The following RYR1 variants were observed in gnomAD, a reference collection of about 807,000 sequenced individuals.
The protein encoded by RYR1 is central core disease of muscle.
A neutral mutation model predicts 583.5 loss-of-function variants in RYR1; 342 were observed. The observed-to-expected ratio is 0.59, with a 90% CI of 0.54 to 0.64. RYR1 has a LOEUF of 0.64. RYR1 is among the 30% of genes least tolerant of loss of function. RYR1 has a pLI of 0.00. For synonymous variants in RYR1, 2,791 were observed against 2,822.5 expected (o/e 0.99, Z 0.35); for missense variants, 6,032 against 6,917.2 (o/e 0.87, Z 4.54).
chr19:38,470,890 C>T (rs1481413639), intron 27 of RYR1, among the ~76,000 whole-genome samples: 1 of 152,202 alleles, frequency 6.6e-6, no homozygotes, highest in Admixed American at 6.5e-5. Context: ...CTAGAGGTGG[C>T]TGGGACGGGG....
Position 38,586,525 on chromosome 19 carries a change from GT to G in RYR1, c.14975del (p.Phe4992SerfsTer2). 2 of 1,614,090 alleles carry G rather than the reference GT, an allele frequency of 1.2e-6. No individual in the cohort carries two copies. The highest frequency in any genetic ancestry group is 4.5e-5 in the East Asian group (2 of 44,890). ...LEEHNLANYM[F>X]FLMYLINKDE... ...TCTCCTGTGGTCCTCTCACCCTCAG[GT>G]TTTTCCTGATGTATTTGATAAACAA... is the stretch of plus-strand genomic sequence containing the variant. On this transcript the variant is annotated frameshift_variant and splice_region_variant, in exon 105 of 106. Coordinates refer to ENST00000359596, the MANE Select transcript of RYR1 (RefSeq NM_000540.3). LOFTEE classifies it high-confidence loss of function.
At chr19:38,440,946 G>GGAGTCTGAA in intron 2 of RYR1, 82 bp downstream of exon 2, 1 of 1,487,776 alleles carries the variant, frequency 6.7e-7, no homozygotes, top group East Asian at 2.4e-5. Flanking sequence ...GAGGGTTCTG[G>GGAGTCTGAA]GAGTCTGAAA....
intron 92 of RYR1, among the ~76,000 whole-genome samples, chr19:38,567,547 G>T (rs1047942094): frequency 6.6e-6 from 1 of 151,950 alleles, no homozygotes; most frequent in Non-Finnish European, 1.5e-5. Flanking sequence ...TCCCAGCCCC[G>T]ACCACTCTGG....
chr19:38,516,135 G>C lies in RYR1; in HGVS notation c.9603G>C (p.Met3201Ile), dbSNP rs373611044. Residue 3201 changes from methionine to isoleucine, a missense_variant, in exon 65 of 106, where the codon ATG becomes ATC. Physicochemically the swap from Met to Ile is conservative, Grantham distance 10. Transcript: ENST00000359596. Reference sequence around the variant, plus strand: ...GCCTGGCCCGTCTGGCAGCAGCCATGCCGGTGGCGTTCCTGGAGCCGCAGC... The same window carrying C: ...GCCTGGCCCGTCTGGCAGCAGCCATCCCGGTGGCGTTCCTGGAGCCGCAGC... ...GECLARLAAA[M>I]PVAFLEPQLN... 7.1e-6 allele frequency: 11 copies of C among 1,551,530 alleles called. No homozygotes were observed. The highest frequency in any genetic ancestry group is 4.4e-6 in the Non-Finnish European group (5 of 1,147,608).
chr19:38,512,005 G>A lies in RYR1; in HGVS notation c.9173-67G>A, dbSNP rs1970748025. On this transcript the variant is annotated intron_variant, in intron 61 of 105. Coordinates refer to ENST00000359596, the MANE Select transcript of RYR1 (RefSeq NM_000540.3). The surrounding 1 kb of genome is among the most constrained non-coding windows in gnomAD (Gnocchi z 5.1). ...CAGGAAGAGAGCGGTTGGGGTGGAT[G>A]TAGAGGGAGGCACTGTCCTCTGTCC... 1.9e-6 allele frequency: 3 copies of A among 1,547,108 alleles called. No homozygotes were observed. Among genetic ancestry groups the A allele is most frequent in the East Asian group, 2.3e-5 (1 of 43,350 alleles).
intron 89 of RYR1, among the ~76,000 whole-genome samples, chr19:38,549,287 A>T (rs1972561450): frequency 6.6e-6 from 1 of 152,156 alleles, no homozygotes; most frequent in African/African-American, 2.4e-5. Context: ...GGGATAGGAT[A>T]ATCACATTAA....
chr19:38,512,120 C>T lies in RYR1; in HGVS notation c.9221C>T (p.Ser3074Phe). 3.7e-6 allele frequency: 6 copies of T among 1,614,208 alleles called. No individual in the cohort carries two copies. Among genetic ancestry groups the T allele is most frequent in the Non-Finnish European group, 5.1e-6 (6 of 1,180,034 alleles). ...VVNCLHILAR[S>F]LDARTVMKSG... ...AACTGTCTTCACATCCTGGCCCGCT[C>T]CCTGGATGCCAGGTAGGGCCATAGG... is the stretch of plus-strand genomic sequence containing the variant. The change falls in exon 62 of 106, where the codon TCC becomes TTC. Residue 3074 changes from serine (S) to phenylalanine (F), a missense_variant. By Grantham distance (155) the Ser-to-Phe change is radical. Coordinates refer to ENST00000359596, the MANE Select transcript of RYR1 (RefSeq NM_000540.3). This position sits in a 1 kb window ranked among gnomAD's most constrained non-coding sequence, Gnocchi z 5.1.
chr19:38,507,820 C>T lies in RYR1; in HGVS notation c.8925C>T (p.Ala2975=), dbSNP rs1970545784. The change falls in exon 58 of 106, where the codon GCC becomes GCT. Residue 2975 remains alanine, a synonymous_variant. Coordinates refer to ENST00000359596, the MANE Select transcript of RYR1 (RefSeq NM_000540.3). Reference sequence around the variant, plus strand: ...TGGACATTTCTCAGGAGTTCATTGCCCACCTGGGTACGGAGAAATACCCCC... The same window carrying T: ...TGGACATTTCTCAGGAGTTCATTGCTCACCTGGGTACGGAGAAATACCCCC... ...RWMDISQEFI[A]HLEAVVSSGR... 6 of 1,608,600 alleles carry T rather than the reference C, an allele frequency of 3.7e-6. No individual in the cohort carries two copies. The highest frequency in any genetic ancestry group is 5.1e-6 in the Non-Finnish European group (6 of 1,175,828).
At position 38,515,021 on chromosome 19, in the gene RYR1, C is replaced by T. The variant is rs2145672933; in HGVS notation, c.9473-5C>T. On this transcript the variant is annotated splice_polypyrimidine_tract_variant and splice_region_variant and intron_variant, in intron 63 of 105. Transcript: ENST00000359596. ...TGCCGCAGCCTCGCCCCCTGTCTCC[C>T]TCAGTGGACGACGTCCAGGTCTCTT... The T allele has an allele frequency of 6.2e-7, 1 of 1,610,920 alleles. No homozygotes were observed. Among genetic ancestry groups the T allele is most frequent in the East Asian group, 2.2e-5 (1 of 44,834 alleles).
rs559637819 is a variant in RYR1, at chr19:38,437,250, C to T, written c.45+3376C>T. On this transcript the variant is annotated intron_variant, in intron 1 of 105. Transcript: ENST00000359596. Reference sequence around the variant, plus strand: ...ACTTTTAATAGAGATGGGGTTTCACCATGTTGGCCAGGCTGGTCTCGAACT... The same window carrying T: ...ACTTTTAATAGAGATGGGGTTTCACTATGTTGGCCAGGCTGGTCTCGAACT... Among the ~76,000 whole-genome samples the T allele has an allele frequency of 3.3e-5, 5 of 152,012 alleles. No individual in the cohort carries two copies. The South Asian group carries it at 1.0e-3, about 32-fold the overall frequency.
intron 90 of RYR1, among the ~76,000 whole-genome samples, chr19:38,564,239 G>C (rs1483947635): frequency 6.6e-6 from 1 of 151,810 alleles, no homozygotes; most frequent in Non-Finnish European, 1.5e-5. Flanking sequence ...TTAGAAATTA[G>C]CAGGCCAGTC....
chr19:38,469,044 C>T lies in RYR1; in HGVS notation c.3460C>T (p.Leu1154Phe), dbSNP rs780626994. ...CGATGTCGTTGGCTGTATGATCGAC[C>T]TCACAGAGAACACCATTATCTTCAC... ...PGDVVGCMID[L>F]TENTIIFTLN... Residue 1154 changes from leucine to phenylalanine, a missense_variant, in exon 26 of 106, where the codon CTC becomes TTC. This residue lies in a region of RYR1 where 2,627 missense variants were observed against 2,961.3 expected (regional missense o/e 0.89). Transcript: ENST00000359596. 6.2e-7 allele frequency: 1 copy of T among 1,614,192 alleles called. No individual in the cohort carries two copies. The highest frequency in any genetic ancestry group is 1.1e-5 in the South Asian group (1 of 91,070).
chr19:38,485,989 G>GC lies in RYR1; in HGVS notation c.5340dup (p.Cys1781LeufsTer77), dbSNP rs1969271215. On this transcript the variant is annotated frameshift_variant, in exon 34 of 106. Transcript: ENST00000359596. LOFTEE classifies it high-confidence loss of function. ...CGCTGAGGCCCCCGCATCATTTCTC[G>GC]CCCCCCTGTTTCGTGGCCGCTCTGC... 2 of 1,613,412 alleles carry GC rather than the reference G, an allele frequency of 1.2e-6. No homozygotes were observed. The highest frequency in any genetic ancestry group is 8.5e-7 in the Non-Finnish European group (1 of 1,179,908).
chr19:38,504,989 T>G lies in RYR1; in HGVS notation c.8232-14T>G. On this transcript the variant is annotated splice_polypyrimidine_tract_variant and intron_variant, in intron 51 of 105. Transcript: ENST00000359596. ...CCCCAGCTCCAACATCTGCTGACCC[T>G]GTGCCCCCAACAGTGTGATCATCCC... is the stretch of plus-strand genomic sequence containing the variant. The G allele has an allele frequency of 6.2e-7, 1 of 1,614,120 alleles. No homozygotes were observed. The highest frequency in any genetic ancestry group is 8.5e-7 in the Non-Finnish European group (1 of 1,179,992).
At chr19:38,529,167 C>A in intron 76 of RYR1, 110 bp downstream of exon 76, 1 of 1,053,852 alleles carries the variant, frequency 9.5e-7, no homozygotes, top group East Asian at 2.5e-5. Context: ...TGGGGGAGCC[C>A]AAGACAGACG....
Position 38,512,063 on chromosome 19 carries a change from C to T in RYR1, c.9173-9C>T. On this transcript the variant is annotated splice_polypyrimidine_tract_variant and intron_variant, in intron 61 of 105. Transcript: ENST00000359596. The surrounding 1 kb of genome is among the most constrained non-coding windows in gnomAD (Gnocchi z 5.1). ...CATGGCATCCCCCCGGCCCATCTTC[C>T]TCTCCCAGGGACAGACGCCCCAGCT... The T allele has an allele frequency of 6.2e-7, 1 of 1,613,814 alleles. No homozygotes were observed. The highest frequency in any genetic ancestry group is 8.5e-7 in the Non-Finnish European group (1 of 1,179,920).
At position 38,466,203 on chromosome 19, in the gene RYR1, T is replaced by C; in HGVS notation, c.2983T>C (p.Trp995Arg). Reference protein sequence around the residue: ...DRLAENGHNVWARDRVGQGWS... With the variant: ...DRLAENGHNVRARDRVGQGWS... Reference sequence around the variant, plus strand: ...TCTGGCAGAAAATGGGCACAACGTGTGGGCCCGAGACCGCGTGGGCCAGGG... The same window carrying C: ...TCTGGCAGAAAATGGGCACAACGTGCGGGCCCGAGACCGCGTGGGCCAGGG... Residue 995 changes from tryptophan (W) to arginine (R), a missense_variant, in exon 24 of 106, where the codon TGG becomes CGG. Coordinates refer to ENST00000359596, the MANE Select transcript of RYR1 (RefSeq NM_000540.3). The C allele has an allele frequency of 6.2e-7, 1 of 1,613,456 alleles. No individual in the cohort carries two copies. Among genetic ancestry groups the C allele is most frequent in the South Asian group, 1.1e-5 (1 of 91,062 alleles).
chr19:38,482,965 C>A, intron 31 of RYR1, 62 bp from the exon 32 acceptor site: 1 of 1,438,866 alleles, frequency 6.9e-7, no homozygotes, highest in Non-Finnish European at 9.8e-7. Context: ...AGTTTGAGGT[C>A]CAGAGTCAAC....
intron 12 of RYR1, 66 bp downstream of exon 12, chr19:38,451,951 C>T: frequency 1.9e-6 from 3 of 1,609,260 alleles, no homozygotes; most frequent in Middle Eastern, 1.7e-4. Context: ...CATCCATACA[C>T]TTGGCCTCTT....
Sources: gnomAD v4.1 joint callset for allele counts (sites outside exome capture counted in the v4.1 genomes callset) on GRCh38, gnomAD v4.1.1 for gene constraint, gnomAD v4.1.1 regional missense constraint, Gnocchi (gnomAD v3.1) non-coding constraint, MANE v1.5 for transcripts, NCBI Gene and HGNC (gene_info 2026-07-23, HGNC 2026-07-21) for gene names.